ITGA3: variants seen among roughly 807,000 people sequenced by gnomAD.
ITGA3 encodes the protein integrin subunit alpha 3.
Under a neutral mutation model 131.1 loss-of-function variants are expected in ITGA3, and 70 were observed. That is an observed-to-expected ratio of 0.53 (90% CI 0.44 to 0.65). The LOEUF is 0.65. ITGA3 is among the 30% of genes least tolerant of loss of function. ITGA3 has a pLI of 0.00. For synonymous variants in ITGA3, 537 were observed against 571.6 expected, an observed-to-expected ratio of 0.94 and a Z score of 0.86; for missense variants, 1,098 against 1,388.6, an observed-to-expected ratio of 0.79 and a Z score of 3.33.
In ITGA3 at chr17:50,079,088, G is replaced by T. The variant is rs771512483; in HGVS notation, c.2413G>T (p.Gly805Trp). The change falls in exon 20 of 26, where the codon GGG (glycine) becomes TGG (tryptophan). Residue 805 changes from glycine (G) to tryptophan (W), a missense_variant. Transcript: ENST00000320031. ...CTTGTGCCCACAGGTGGGCCCAATG[G>T]GGGAGGGGCTGGTGGGCCTGGGGAC... ...LKYEFQVGPM[G>W]EGLVGLGTLV... The T allele has an allele frequency of 2.5e-6, 4 of 1,613,718 alleles. No homozygotes were observed. Among genetic ancestry groups the T allele is most frequent in the South Asian group, 1.1e-5 (1 of 91,062 alleles).
chr17:50,056,431 C>A lies in ITGA3; in HGVS notation c.-9C>A, dbSNP rs1254635571. 1 of 1,479,030 alleles carries A rather than the reference C, an allele frequency of 6.8e-7. No homozygotes were observed. The highest frequency in any genetic ancestry group is 2.7e-5 in the East Asian group (1 of 36,988). 91.6% of individuals were successfully genotyped at this position (1,479,030 alleles called of 1,614,324 possible). ...CGCTCTCGCCGGGACCCCGCTTCCG[C>A]TGGCAGCCATGGGCCCCGGCCCCAG... On this transcript the variant is annotated 5_prime_UTR_variant, in exon 1 of 26. The change creates a new upstream start codon in the 5' untranslated region. Coordinates refer to ENST00000320031, the MANE Select transcript of ITGA3 (RefSeq NM_002204.4). This position sits in a 1 kb window ranked among gnomAD's most constrained non-coding sequence, Gnocchi z 5.6.
intron 5 of ITGA3, 109 bp from the exon 6 acceptor site, chr17:50,071,202 G>C (rs1206136841): frequency 9.9e-7 from 1 of 1,011,152 alleles, no homozygotes; most frequent in African/African-American, 1.6e-5. Context: ...TGGAATAGTG[G>C]GATAGAACAT....
chr17:50,057,477 A>G (rs1473422782), intron 1 of ITGA3, among the ~76,000 whole-genome samples: 1 of 152,202 alleles, frequency 6.6e-6, no homozygotes, highest in Non-Finnish European at 1.5e-5. Context: ...AGGAGGTTGC[A>G]CCCAGCCTCC....
chr17:50,077,317 A>G, intron 15 of ITGA3, 62 bp from the exon 16 acceptor site: 1 of 1,469,250 alleles, frequency 6.8e-7, no homozygotes, highest in South Asian at 1.2e-5. Flanking sequence ...CTTGCACCAC[A>G]GAGGAGGGAG....
At position 50,079,276 on chromosome 17, in the gene ITGA3, G is replaced by A; in HGVS notation, c.2583+18G>A. The stretch of plus-strand genomic sequence containing the variant: ...CTCTTTCTGTAAGGACACTATCAGG[G>A]ATATTTCATTTGCATGCTACAGGGC... On this transcript the variant is annotated intron_variant, in intron 20 of 25. Coordinates refer to ENST00000320031, the MANE Select transcript of ITGA3 (RefSeq NM_002204.4). 1.2e-6 allele frequency: 2 copies of A among 1,611,824 alleles called. No individual in the cohort carries two copies. The highest frequency in any genetic ancestry group is 1.7e-6 in the Non-Finnish European group (2 of 1,178,268).
chr17:50,073,626 A>ACG (rs1555555002), intron 7 of ITGA3, among the ~76,000 whole-genome samples: 11 of 134,052 alleles, frequency 8.2e-5, no homozygotes, highest in African/African-American at 3.0e-4. Context: ...ACACACACAC[A>ACG]CACACACGCA....
intron 23 of ITGA3, chr17:50,086,381 A>G (rs1232776644): frequency 6.6e-6 from 1 of 150,378 alleles, no homozygotes; most frequent in Admixed American, 6.7e-5. Flanking sequence ...AAAGAAGTGA[A>G]AATCATGTAT....
At position 50,072,208 on chromosome 17, in the gene ITGA3, C is replaced by T. The variant is rs770219180; in HGVS notation, c.1156+26C>T. On this transcript the variant is annotated intron_variant, in intron 7 of 25. Coordinates refer to ENST00000320031, the MANE Select transcript of ITGA3 (RefSeq NM_002204.4). ...GTATGAGCCAGCACTCCTCCCCCAGCACCCCTCCTCCAGCACCCCTCCTCC... is the reference window on the plus strand; with the variant it reads ...GTATGAGCCAGCACTCCTCCCCCAGTACCCCTCCTCCAGCACCCCTCCTCC... 4 of 1,589,846 alleles carry T rather than the reference C, an allele frequency of 2.5e-6. No homozygotes were observed. The East Asian group carries it at 8.9e-5, about 36-fold the overall frequency.
chr17:50,077,131 C>G lies in ITGA3; in HGVS notation c.2070+10C>G. ...GTCCTCAGTGCGCCCCGTGAGTGCC[C>G]GCCGGCCGGCTCAGAGCCCAAGCAG... On this transcript the variant is annotated intron_variant, in intron 15 of 25. Coordinates refer to ENST00000320031, the MANE Select transcript of ITGA3 (RefSeq NM_002204.4). 6.5e-7 allele frequency: 1 copy of G among 1,531,480 alleles called. No individual in the cohort carries two copies. Among genetic ancestry groups the G allele is most frequent in the Non-Finnish European group, 8.8e-7 (1 of 1,132,344 alleles). 94.9% of individuals were successfully genotyped at this position (1,531,480 alleles called of 1,614,324 possible). A position where few individuals can be genotyped will look rare whatever the true frequency, so the allele number is the denominator to read the frequency against.
At chr17:50,062,118 C>G (rs1908114707) in intron 1 of ITGA3, among the ~76,000 whole-genome samples, 2 of 152,034 alleles carry the variant, frequency 1.3e-5, no homozygotes. Flanking sequence ...TAGACCAGTC[C>G]TGATGCCACA....
In ITGA3 at chr17:50,076,670, G is replaced by A. The variant is rs201381871; in HGVS notation, c.1911G>A (p.Gln637=). 3.1e-6 allele frequency: 5 copies of A among 1,613,282 alleles called. No homozygotes were observed. In the Middle Eastern group the frequency reaches 4.9e-4, roughly 159 times the overall value. Residue 637 remains glutamine, a synonymous_variant, in exon 14 of 26, where the codon CAG becomes CAA. Coordinates refer to ENST00000320031, the MANE Select transcript of ITGA3 (RefSeq NM_002204.4). ...MRAAFVSEQQ[Q]KLSRLQYSRD... is the part of the protein sequence containing the mutation. Reference sequence around the variant, plus strand: ...CAGCCTTCGTGTCAGAGCAGCAGCAGAAGCTGAGCAGGTGGCTGTGGGCCG... The same window carrying A: ...CAGCCTTCGTGTCAGAGCAGCAGCAAAAGCTGAGCAGGTGGCTGTGGGCCG...
intron 3 of ITGA3, chr17:50,065,174 G>A (rs952965462): frequency 6.6e-6 from 1 of 152,284 alleles, no homozygotes; most frequent in South Asian, 2.1e-4. Context: ...TTCCAAAAAG[G>A]ATTTTGATTT....
At chr17:50,073,593 AACACACACACAC>A (rs71146961) in intron 7 of ITGA3, among the ~76,000 whole-genome samples, 121 of 144,266 alleles carry the variant, frequency 8.4e-4, no homozygotes, top group African/African-American at 1.6e-3. Context: ...ACTGTCTATA[AACACACACACAC>A]ACACACACAC....
chr17:50,085,934 C>T (rs1274351290), intron 23 of ITGA3, among the ~76,000 whole-genome samples: 1 of 9,578 alleles, frequency 1.0e-4, no homozygotes, highest in Admixed American at 1.1e-3. Flanking sequence ...TTAGATTATA[C>T]ATATTATAGA....
rs749092639 is a variant in ITGA3 at position 50,089,106 on chromosome 17, C to A, written c.*32-4C>A. The stretch of plus-strand genomic sequence containing the variant: ...TGTTCTTTCTCTTCTCCCTCCAACT[C>A]CAGTGTGACTTCTTTAAGCGGACCC... On this transcript the variant is annotated splice_region_variant and splice_polypyrimidine_tract_variant and intron_variant, in intron 25 of 25. Transcript: ENST00000320031. 6.2e-7 allele frequency: 1 copy of A among 1,611,460 alleles called. No individual in the cohort carries two copies. The highest frequency in any genetic ancestry group is 2.2e-5 in the East Asian group (1 of 44,864).
Position 50,056,697 on chromosome 17 carries a change from G to C in ITGA3, c.206+52G>C, listed in dbSNP as rs1226911703. The C allele has an allele frequency of 2.6e-6, 4 of 1,534,166 alleles. No individual in the cohort carries two copies. In the African/African-American group the frequency reaches 4.2e-5, roughly 16 times the overall value. ...GGGAGCGAGAGAGTGTGCGAGCGCG[G>C]GATGCGGGTCCGGAGCTGAGTCGGA... On this transcript the variant is annotated intron_variant, in intron 1 of 25. Coordinates refer to ENST00000320031, the MANE Select transcript of ITGA3 (RefSeq NM_002204.4). The surrounding 1 kb of genome is among the most constrained non-coding windows in gnomAD (Gnocchi z 5.6).
Position 50,074,520 on chromosome 17 carries a change from C to T in ITGA3, c.1455C>T (p.Cys485=), listed in dbSNP as rs1359600149. The change falls in exon 10 of 26, where the codon TGC becomes TGT. Residue 485 remains cysteine (C), a synonymous_variant. Coordinates refer to ENST00000320031, the MANE Select transcript of ITGA3 (RefSeq NM_002204.4). ...CAGCTGTGCTGGACCCTGCACTTTG[C>T]ACGGCCACCTCTTGGTGAGATTGTT... ...PRPAVLDPAL[C]TATSCVQVEL... The T allele has an allele frequency of 4.3e-6, 7 of 1,612,378 alleles. No individual in the cohort carries two copies. In the African/African-American group the frequency reaches 8.0e-5, roughly 18 times the overall value.
intron 1 of ITGA3, among the ~76,000 whole-genome samples, chr17:50,059,261 T>A (rs527390187): frequency 6.6e-6 from 1 of 151,964 alleles, no homozygotes; most frequent in Non-Finnish European, 1.5e-5. Context: ...CTCTGGGAGG[T>A]GGTTACTGAC....
intron 23 of ITGA3, among the ~76,000 whole-genome samples, chr17:50,085,062 G>C (rs1032765087): frequency 1.3e-5 from 2 of 150,962 alleles, no homozygotes; most frequent in Non-Finnish European, 1.5e-5. Context: ...AAAATGCTGG[G>C]GTGGTGGCGG....
Sources: allele counts gnomAD v4.1 joint callset (sites outside exome capture counted in the v4.1 genomes callset), GRCh38; gene constraint gnomAD v4.1.1; non-coding constraint Gnocchi (gnomAD v3.1); transcripts MANE v1.5; gene names NCBI Gene and HGNC (gene_info 2026-07-23, HGNC 2026-07-21).